Variants in KIRREL3 observed in about 807,000 individuals in gnomAD.
KIRREL3 encodes the protein kirre like nephrin family adhesion molecule 3.
A neutral mutation model predicts 89.7 loss-of-function variants in KIRREL3; 36 were observed. That is an observed-to-expected ratio of 0.40 (90% CI 0.31 to 0.53). The LOEUF (loss-of-function observed/expected upper bound fraction) is 0.53, where lower values mean the gene tolerates loss of function less well. Among genes scored for constraint, KIRREL3 ranks in the 20% least tolerant of loss-of-function variants. KIRREL3 has a pLI of 0.49. For synonymous variants in KIRREL3, 445 were observed against 441.4 expected, an observed-to-expected ratio of 1.01 and a Z score of -0.10; for missense variants, 864 against 1,056.6, an observed-to-expected ratio of 0.82 and a Z score of 2.53.
rs1276306041 is a variant in KIRREL3 at position 126,635,390 on chromosome 11, T to C, written c.56-72478A>G. On this transcript the variant is annotated intron_variant, in intron 1 of 16. Coordinates refer to ENST00000525144, the MANE Select transcript of KIRREL3 (RefSeq NM_032531.4). This position sits in a 1 kb window ranked among gnomAD's most constrained non-coding sequence, Gnocchi z 4.0. Reference sequence around the variant, plus strand: ...GAGGTTAGACCTCAGGGTTATGTTATGGATTGGAGGGAGCAGAGAAGCTTC... The same window carrying C: ...GAGGTTAGACCTCAGGGTTATGTTACGGATTGGAGGGAGCAGAGAAGCTTC... 6.6e-6 allele frequency among the ~76,000 whole-genome samples: 1 copy of C among 152,196 alleles called. No homozygotes were observed. Among genetic ancestry groups the C allele is most frequent in the African/African-American group, 2.4e-5 (1 of 41,444 alleles).
At chr11:126,644,184 T>G (rs1179409987) in intron 1 of KIRREL3, among the ~76,000 whole-genome samples, 2 of 152,152 alleles carry the variant, frequency 1.3e-5, no homozygotes, top group Non-Finnish European at 2.9e-5. Flanking sequence ...GTAGATCCAG[T>G]GTATAGTGGG....
chr11:126,661,556 G>T (rs1340193783), intron 1 of KIRREL3, among the ~76,000 whole-genome samples: 7 of 152,184 alleles, frequency 4.6e-5, no homozygotes, highest in Non-Finnish European at 8.8e-5. Context: ...GATTTCATCT[G>T]TGCCCAGTCA....
At chr11:126,840,593 T>C (rs1428044140) in intron 1 of KIRREL3, among the ~76,000 whole-genome samples, 2 of 152,210 alleles carry the variant, frequency 1.3e-5, no homozygotes, top group African/African-American at 4.8e-5. Context: ...TGAAAATATA[T>C]GTGGGAAATT....
chr11:126,536,945 C>T (rs765393122), intron 2 of KIRREL3, among the ~76,000 whole-genome samples: 27 of 152,104 alleles, frequency 1.8e-4, no homozygotes, highest in Non-Finnish European at 3.2e-4. Flanking sequence ...TGCACCCAAC[C>T]CCTGTGCAGT....
chr11:126,501,765 T>A lies in KIRREL3; in HGVS notation c.433+19550A>T, dbSNP rs1957873463. On this transcript the variant is annotated intron_variant, in intron 4 of 16. Transcript: ENST00000525144. This position sits in a 1 kb window ranked among gnomAD's most constrained non-coding sequence, Gnocchi z 5.8. ...GGCACTGCTTGCCTCTGCCTGCCTTTGCCTCCTTTTCCCGCTTCTGTTCCT... is the reference window on the plus strand; with the variant it reads ...GGCACTGCTTGCCTCTGCCTGCCTTAGCCTCCTTTTCCCGCTTCTGTTCCT... 6.6e-6 allele frequency among the ~76,000 whole-genome samples: 1 copy of A among 152,200 alleles called. No individual in the cohort carries two copies. Among genetic ancestry groups the A allele is most frequent in the Non-Finnish European group, 1.5e-5 (1 of 68,030 alleles).
At chr11:126,497,916 C>T (rs561360448) in intron 4 of KIRREL3, among the ~76,000 whole-genome samples, 1 of 152,304 alleles carries the variant, frequency 6.6e-6, no homozygotes, top group East Asian at 1.9e-4. Context: ...AAGCCATGGT[C>T]TCTGATCCCC....
chr11:126,431,426 G>A lies in KIRREL3; in HGVS notation c.1689C>T (p.Ser563=). The change falls in exon 14 of 17, where the codon TCC becomes TCT. Residue 563 remains serine (S), a synonymous_variant. Coordinates refer to ENST00000525144, the MANE Select transcript of KIRREL3 (RefSeq NM_032531.4). The surrounding 1 kb of genome is among the most constrained non-coding windows in gnomAD (Gnocchi z 7.1). The stretch of plus-strand genomic sequence containing the variant: ...CGGATCTCCCTCCCGTACTTCTCTG[G>A]GAACGGGCACAGCAGAACGCCACGA... ...ATIVAFCCAR[S]QRNLKGVVSA... 6.2e-7 allele frequency: 1 copy of A among 1,613,998 alleles called. No individual in the cohort carries two copies. Among genetic ancestry groups the A allele is most frequent in the East Asian group, 2.2e-5 (1 of 44,884 alleles).
At chr11:126,472,344 C>T (rs144450509) in intron 5 of KIRREL3, among the ~76,000 whole-genome samples, 771 of 152,260 alleles carry the variant, frequency 5.1e-3, no homozygotes, top group African/African-American at 0.017. Flanking sequence ...CCAAGATCAA[C>T]GCAGATTTGT....
intron 1 of KIRREL3, among the ~76,000 whole-genome samples, chr11:126,667,588 T>C (rs1217453468): frequency 6.6e-6 from 1 of 152,210 alleles, no homozygotes; most frequent in Non-Finnish European, 1.5e-5. Flanking sequence ...ACTTCTACTT[T>C]GCTGTGATGG....
chr11:126,800,164 T>C (rs1950985819), intron 1 of KIRREL3, among the ~76,000 whole-genome samples: 1 of 152,192 alleles, frequency 6.6e-6, no homozygotes, highest in Admixed American at 6.5e-5. Context: ...TCACCAAGAA[T>C]GTACTGGTGA....
intron 1 of KIRREL3, among the ~76,000 whole-genome samples, chr11:126,973,540 C>T (rs1949491381): frequency 6.6e-6 from 1 of 152,178 alleles, no homozygotes; most frequent in South Asian, 2.1e-4. Context: ...AAAGTCACTT[C>T]ACCTCTCTGA....
At position 126,774,164 on chromosome 11, in the gene KIRREL3, C is replaced by CTTTTTTT. The variant is rs5795521; in HGVS notation, c.56-211259_56-211253dup. Among the ~76,000 whole-genome samples, 84 of 137,148 alleles carry CTTTTTTT rather than the reference C, an allele frequency of 6.1e-4. 1 individual carries two copies. In the South Asian group the frequency reaches 0.02, roughly 33 times the overall value. The allele number at this position is 137,148 out of a possible 152,430, so 90.0% of individuals were successfully genotyped here. On this transcript the variant is annotated intron_variant, in intron 1 of 16. Transcript: ENST00000525144. The stretch of plus-strand genomic sequence containing the variant: ...CAACATAAATAAGTAGAGAGTAAAG[C>CTTTTTTT]TTTTTTTTTTTTTTTTTTTAAATAA...
chr11:126,929,654 G>C (rs1198696305), intron 1 of KIRREL3, among the ~76,000 whole-genome samples: 1 of 152,202 alleles, frequency 6.6e-6, no homozygotes, highest in Non-Finnish European at 1.5e-5. Context: ...CATCCAGGAA[G>C]CAGGCTGCGG....
At chr11:126,706,848 T>C (rs531718815) in intron 1 of KIRREL3, among the ~76,000 whole-genome samples, 1 of 152,212 alleles carries the variant, frequency 6.6e-6, no homozygotes, top group Non-Finnish European at 1.5e-5. Context: ...TTTTCCTTTT[T>C]GAACTGTAAG....
At chr11:126,581,712 T>C (rs982268764) in intron 1 of KIRREL3, among the ~76,000 whole-genome samples, 1 of 152,160 alleles carries the variant, frequency 6.6e-6, no homozygotes, top group Non-Finnish European at 1.5e-5. Flanking sequence ...TTTCCAATTA[T>C]AGGATACACT....
chr11:126,671,148 C>T (rs1245130254), intron 1 of KIRREL3, among the ~76,000 whole-genome samples: 1 of 151,952 alleles, frequency 6.6e-6, no homozygotes, highest in Non-Finnish European at 1.5e-5. Flanking sequence ...GAATTATACA[C>T]CTAGATATAA....
chr11:126,905,738 C>T lies in KIRREL3; in HGVS notation c.55+94717G>A, dbSNP rs374304185. Among the ~76,000 whole-genome samples the T allele has an allele frequency of 2.0e-5, 3 of 152,224 alleles. No homozygotes were observed. Among genetic ancestry groups the T allele is most frequent in the East Asian group, 3.9e-4 (2 of 5,146 alleles). On this transcript the variant is annotated intron_variant, in intron 1 of 16. Transcript: ENST00000525144. This position sits in a 1 kb window ranked among gnomAD's most constrained non-coding sequence, Gnocchi z 5.0. The stretch of plus-strand genomic sequence containing the variant: ...TATGTGAGATGGAATTGTTGTGTAC[C>T]GCCACAGCCTGACAACACAGAGCCC...
At position 126,844,279 on chromosome 11, in the gene KIRREL3, A is replaced by G. The variant is rs1013784515; in HGVS notation, c.55+156176T>C. ...CCCGACCCAAATGCTAACTTTGGGT[A>G]AGTGGTGGGGTCCGGTGACATCTTT... On this transcript the variant is annotated intron_variant, in intron 1 of 16. Transcript: ENST00000525144. The surrounding 1 kb of genome is among the most constrained non-coding windows in gnomAD (Gnocchi z 4.8). Among the ~76,000 whole-genome samples, 2 of 152,150 alleles carry G rather than the reference A, an allele frequency of 1.3e-5. No homozygotes were observed. Among genetic ancestry groups the G allele is most frequent in the Non-Finnish European group, 2.9e-5 (2 of 68,024 alleles).
At chr11:126,539,275 G>A (rs957372750) in intron 2 of KIRREL3, among the ~76,000 whole-genome samples, 19 of 152,194 alleles carry the variant, frequency 1.2e-4, no homozygotes, top group African/African-American at 3.9e-4. Context: ...CTGGGTGCAC[G>A]GAGCATGTGT....
Sources: allele counts gnomAD v4.1 joint callset (sites outside exome capture counted in the v4.1 genomes callset), GRCh38; gene constraint gnomAD v4.1.1; non-coding constraint Gnocchi (gnomAD v3.1); transcripts MANE v1.5; gene names NCBI Gene and HGNC (gene_info 2026-07-23, HGNC 2026-07-21).